Variants in CEP83 observed in about 807,000 individuals in gnomAD.
CEP83 encodes the protein centrosomal protein 83.
Under a neutral mutation model 101.9 loss-of-function variants are expected in CEP83, and 70 were observed. The ratio of observed to expected loss-of-function variants is 0.69; its 90% CI spans 0.57 to 0.84. CEP83 has a LOEUF of 0.84. CEP83 is among the 40% of genes least tolerant of loss of function. The pLI is 0.00. For synonymous variants in CEP83, 264 were observed against 267.9 expected, an observed-to-expected ratio of 0.99 and a Z score of 0.14; for missense variants, 715 against 787.2, an observed-to-expected ratio of 0.91 and a Z score of 1.10.
chr12:94,432,089 C>A (rs896631972), intron 2 of CEP83, among the ~76,000 whole-genome samples: 16 of 150,948 alleles, frequency 1.1e-4, no homozygotes, highest in Admixed American at 9.2e-4. Context: ...GAGTCTCGCT[C>A]TGTAGCCCAG....
chr12:94,310,892 C>G (rs748205486), intron 15 of CEP83, among the ~76,000 whole-genome samples: 2 of 152,108 alleles, frequency 1.3e-5, no homozygotes, highest in Non-Finnish European at 2.9e-5. Context: ...TCCTAAAACT[C>G]TGGGAAACTC....
intron 11 of CEP83, among the ~76,000 whole-genome samples, chr12:94,362,881 T>C (rs775226558): frequency 6.6e-6 from 1 of 152,208 alleles, no homozygotes; most frequent in Non-Finnish European, 1.5e-5. Context: ...CTGTCATTCA[T>C]GGCAACATGG....
chr12:94,383,198 TTTAA>T (rs1593578700), intron 6 of CEP83, among the ~76,000 whole-genome samples: 1 of 152,128 alleles, frequency 6.6e-6, no homozygotes, highest in Admixed American at 6.6e-5. Flanking sequence ...TGCTCCTGCT[TTTAA>T]TTAATGATTC....
chr12:94,327,787 C>G (rs1470008385), intron 14 of CEP83, among the ~76,000 whole-genome samples: 2 of 152,214 alleles, frequency 1.3e-5, no homozygotes, highest in Non-Finnish European at 2.9e-5. Context: ...TTCTAGACTT[C>G]TTACCTCACT....
chr12:94,412,315 T>C lies in CEP83; in HGVS notation c.173+3A>G, dbSNP rs1008800566. 1.9e-6 allele frequency: 3 copies of C among 1,588,220 alleles called. No individual in the cohort carries two copies. Among genetic ancestry groups the C allele is most frequent in the Non-Finnish European group, 2.6e-6 (3 of 1,170,636 alleles). ...ACCCCACTTCTAGATTTAAGTAATT[T>C]ACCTTGTGTGTTCAGCCTTCAGTGT... On this transcript the variant is annotated splice_donor_region_variant and intron_variant, in intron 3 of 16. Coordinates refer to ENST00000397809, the MANE Select transcript of CEP83 (RefSeq NM_016122.3).
At position 94,379,046 on chromosome 12, in the gene CEP83, A is replaced by G; in HGVS notation, c.550-4T>C. ...TATCTTCCTCCAGTCTTGCAATCTA[A>G]TAATAATTTTAAAGAAAGCATACAA... On this transcript the variant is annotated splice_polypyrimidine_tract_variant and splice_region_variant and intron_variant, in intron 6 of 16. Transcript: ENST00000397809. The G allele has an allele frequency of 6.3e-7, 1 of 1,589,426 alleles. No homozygotes were observed. The highest frequency in any genetic ancestry group is 8.6e-7 in the Non-Finnish European group (1 of 1,164,870).
chr12:94,305,308 C>T, downstream of CEP83: 1 of 1,472,042 alleles, frequency 6.8e-7, no homozygotes, highest in Non-Finnish European at 9.4e-7. Context: ...CTGGCTTAAT[C>T]TGGCAAAGTT....
the CEP83 span, chr12:94,279,830 T>A: frequency 5.7e-6 from 4 of 707,740 alleles, no homozygotes; most frequent in Admixed American, 2.0e-5. Flanking sequence ...CTCATGGGCA[T>A]CCTGATTCTT....
At chr12:94,348,984 G>GCTTT (rs59471855) in intron 11 of CEP83, among the ~76,000 whole-genome samples, 89,671 of 151,524 alleles carry the variant, frequency 0.59, 26,714 homozygotes, top group African/African-American at 0.66. Flanking sequence ...TGCAGAAAAT[G>GCTTT]CTAAGTGTTT....
At chr12:94,390,918 A>C (rs1288462646) in intron 6 of CEP83, among the ~76,000 whole-genome samples, 2 of 152,178 alleles carry the variant, frequency 1.3e-5, no homozygotes, top group African/African-American at 2.4e-5. Context: ...GAGAAGACAA[A>C]GTTAGAGAAA....
the CEP83 span, among the ~76,000 whole-genome samples, chr12:94,292,290 A>G: frequency 2.8e-4 from 43 of 152,176 alleles, 1 homozygote; most frequent in Admixed American, 2.8e-3. Flanking sequence ...CTGGATGAAG[A>G]TGGGGTGGTC....
intron 16 of CEP83, among the ~76,000 whole-genome samples, chr12:94,309,183 C>T (rs1969449014): frequency 6.6e-6 from 1 of 152,166 alleles, no homozygotes; most frequent in Admixed American, 6.6e-5. Flanking sequence ...AATACTAATG[C>T]AGGGCCCAGG....
At chr12:94,298,625 C>A in the CEP83 span, 1 of 1,580,910 alleles carries the variant, frequency 6.3e-7, no homozygotes, top group Non-Finnish European at 8.6e-7. Context: ...TGTTGTCTAT[C>A]TTTCAGGTGG....
At chr12:94,411,460 T>C (rs1245816460) in intron 4 of CEP83, among the ~76,000 whole-genome samples, 2 of 152,158 alleles carry the variant, frequency 1.3e-5, no homozygotes, top group Non-Finnish European at 2.9e-5. Flanking sequence ...AAATATTATT[T>C]ATATCAGAAT....
chr12:94,419,307 A>T (rs1218227046), intron 2 of CEP83, among the ~76,000 whole-genome samples: 3 of 152,142 alleles, frequency 2.0e-5, no homozygotes, highest in Admixed American at 6.5e-5. Context: ...AGGTAAAAAG[A>T]TGTGCAAACT....
intron 6 of CEP83, among the ~76,000 whole-genome samples, chr12:94,388,134 T>C (rs573659916): frequency 6.6e-6 from 1 of 152,330 alleles, no homozygotes; most frequent in East Asian, 1.9e-4. Flanking sequence ...ACTCATATGT[T>C]CATCACAGCA....
intron 11 of CEP83, among the ~76,000 whole-genome samples, chr12:94,338,310 C>T (rs1057129048): frequency 6.6e-6 from 1 of 151,960 alleles, no homozygotes; most frequent in South Asian, 2.1e-4. Flanking sequence ...AAGTCCTCAG[C>T]GACTGTTAAG....
Position 94,411,820 on chromosome 12 carries a change from T to C in CEP83, c.201A>G (p.Gln67=), listed in dbSNP as rs1442068953. The part of the protein sequence containing the change: ...TRLQNEHVKL[Q]NELKHLFNEK... Reference sequence around the variant, plus strand: ...CATTAAACAGGTGCTTGAGTTCATTTTGTAACTTTACATGTTCATTCTGCA... The same window carrying C: ...CATTAAACAGGTGCTTGAGTTCATTCTGTAACTTTACATGTTCATTCTGCA... The change falls in exon 4 of 17, where the codon CAA becomes CAG. Residue 67 remains glutamine, a synonymous_variant. Transcript: ENST00000397809. The C allele has an allele frequency of 1.9e-6, 3 of 1,612,512 alleles. No individual in the cohort carries two copies. Among genetic ancestry groups the C allele is most frequent in the East Asian group, 2.2e-5 (1 of 44,746 alleles).
At chr12:94,366,363 A>G (rs1322274591) in intron 11 of CEP83, among the ~76,000 whole-genome samples, 3 of 152,218 alleles carry the variant, frequency 2.0e-5, no homozygotes. Flanking sequence ...TATATACTCT[A>G]AGGCTAAAGA....
Sources: allele counts gnomAD v4.1 joint callset (sites outside exome capture counted in the v4.1 genomes callset), GRCh38; gene constraint gnomAD v4.1.1; transcripts MANE v1.5; gene names NCBI Gene and HGNC (gene_info 2026-07-23, HGNC 2026-07-21).